Variants in GHR observed in about 807,000 individuals in gnomAD.
The protein encoded by GHR is GH receptor.
In GHR, 35 loss-of-function variants were observed where a neutral mutation model predicts 67.1. That is an observed-to-expected ratio of 0.52 (90% CI 0.40 to 0.69). GHR has a LOEUF of 0.69. Among genes scored for constraint, GHR ranks in the 30% least tolerant of loss-of-function variants. The pLI is 0.00. For synonymous variants in GHR, 272 were observed against 269.1 expected (o/e 1.01, Z -0.10); for missense variants, 792 against 764.6 (o/e 1.04, Z -0.42).
At chr5:42,649,938 C>T (rs547315603) in intron 3 of GHR, among the ~76,000 whole-genome samples, 1 of 152,186 alleles carries the variant, frequency 6.6e-6, no homozygotes, top group East Asian at 1.9e-4. Context: ...GCCAGCCACC[C>T]AGGGAAGAAA....
intron 4 of GHR, among the ~76,000 whole-genome samples, chr5:42,694,173 T>C (rs1034686694): frequency 7.9e-5 from 12 of 152,212 alleles, no homozygotes; most frequent in African/African-American, 2.9e-4. Flanking sequence ...AGAGCACTAC[T>C]AATGAGCACT....
chr5:42,596,985 G>A (rs908710627), intron 2 of GHR, among the ~76,000 whole-genome samples: 3 of 152,210 alleles, frequency 2.0e-5, no homozygotes, highest in Non-Finnish European at 4.4e-5. Context: ...CACAGTGGAG[G>A]ATGTTTAGGA....
chr5:42,527,483 A>G (rs1199817087), intron 1 of GHR, among the ~76,000 whole-genome samples: 1 of 152,216 alleles, frequency 6.6e-6, no homozygotes, highest in South Asian at 2.1e-4. Flanking sequence ...ACATAATGGT[A>G]AACGGTTCAA....
At chr5:42,530,616 T>C (rs1332166159) in intron 1 of GHR, among the ~76,000 whole-genome samples, 1 of 152,130 alleles carries the variant, frequency 6.6e-6, no homozygotes, top group East Asian at 1.9e-4. Flanking sequence ...GTAACAAGCT[T>C]AATTTTTTTT....
chr5:42,428,104 T>C (rs1374896541), intron 1 of GHR, among the ~76,000 whole-genome samples: 1 of 152,236 alleles, frequency 6.6e-6, no homozygotes, highest in Non-Finnish European at 1.5e-5. Context: ...GCAAGGGTTG[T>C]TTATGAGGGC....
At chr5:42,520,757 A>T (rs1469112804) in intron 1 of GHR, among the ~76,000 whole-genome samples, 1 of 152,144 alleles carries the variant, frequency 6.6e-6, no homozygotes, top group Admixed American at 6.5e-5. Flanking sequence ...AATGAGCTCC[A>T]GCCACTTCAA....
chr5:42,513,237 C>G (rs1424976870), intron 1 of GHR, among the ~76,000 whole-genome samples: 1 of 152,198 alleles, frequency 6.6e-6, no homozygotes, highest in East Asian at 1.9e-4. Context: ...TGTGTAGGAG[C>G]AGTTATTTGG....
chr5:42,518,266 A>G (rs969771770), intron 1 of GHR, among the ~76,000 whole-genome samples: 1 of 151,916 alleles, frequency 6.6e-6, no homozygotes, highest in African/African-American at 2.4e-5. Flanking sequence ...AATTACATTA[A>G]TTTCATAACT....
In GHR at chr5:42,497,714, T is replaced by G. The variant is rs562198962; in HGVS notation, c.-11-68150T>G. Among the ~76,000 whole-genome samples, 189 of 152,316 alleles carry G rather than the reference T, an allele frequency of 1.2e-3. 1 individual carries two copies. The highest frequency in any genetic ancestry group is 4.5e-3 in the African/African-American group (187 of 41,566). On this transcript the variant is annotated intron_variant, in intron 1 of 9. Transcript: ENST00000230882. ...CAGAAAAAGTTTGCTGATCTCTACT[T>G]TGAAGAAGAGAAAGTCGTCAGATAC...
At chr5:42,526,753 A>C (rs536083471) in intron 1 of GHR, among the ~76,000 whole-genome samples, 1 of 152,294 alleles carries the variant, frequency 6.6e-6, no homozygotes, top group East Asian at 1.9e-4. Flanking sequence ...GATTCTACAC[A>C]AGAAGATCAT....
chr5:42,586,237 C>G (rs1013371284), intron 2 of GHR, among the ~76,000 whole-genome samples: 1 of 152,106 alleles, frequency 6.6e-6, no homozygotes, highest in African/African-American at 2.4e-5. Flanking sequence ...CAATCTATCC[C>G]TGACTCCTAT....
intron 1 of GHR, among the ~76,000 whole-genome samples, chr5:42,537,191 T>C (rs1748296389): frequency 6.6e-6 from 1 of 152,120 alleles, no homozygotes; most frequent in South Asian, 2.1e-4. Context: ...TGTCCTCTCT[T>C]CTCCTCGGTT....
chr5:42,669,956 A>G (rs1478078535), intron 3 of GHR, among the ~76,000 whole-genome samples: 1 of 152,206 alleles, frequency 6.6e-6, no homozygotes, highest in Non-Finnish European at 1.5e-5. Context: ...TACCCAAAGC[A>G]ATCTATAGAT....
intron 3 of GHR, among the ~76,000 whole-genome samples, chr5:42,662,258 A>G (rs1466330730): frequency 6.6e-6 from 1 of 152,212 alleles, no homozygotes; most frequent in Non-Finnish European, 1.5e-5. Flanking sequence ...AGCGGACTTA[A>G]TAGACATCTA....
intron 1 of GHR, among the ~76,000 whole-genome samples, chr5:42,463,704 A>C (rs1744585526): frequency 6.6e-6 from 1 of 152,140 alleles, no homozygotes; most frequent in Non-Finnish European, 1.5e-5. Flanking sequence ...CTTAGAAATA[A>C]TTTAGTGGGC....
intron 1 of GHR, among the ~76,000 whole-genome samples, chr5:42,542,911 T>C (rs1205143895): frequency 6.6e-6 from 1 of 152,180 alleles, no homozygotes; most frequent in Non-Finnish European, 1.5e-5. Flanking sequence ...CTGAGTTACT[T>C]CTTTTAGAAT....
intron 1 of GHR, among the ~76,000 whole-genome samples, chr5:42,508,227 C>T (rs1746859761): frequency 6.6e-6 from 1 of 152,108 alleles, no homozygotes; most frequent in Admixed American, 6.5e-5. Flanking sequence ...GGTTAAGGAG[C>T]TGAGAGAACT....
intron 1 of GHR, among the ~76,000 whole-genome samples, chr5:42,450,916 T>C (rs1744022396): frequency 6.6e-6 from 1 of 152,248 alleles, no homozygotes; most frequent in Non-Finnish European, 1.5e-5. Flanking sequence ...GATTATTTAA[T>C]GTCCATGTAT....
At position 42,447,724 on chromosome 5, in the gene GHR, T is replaced by C. The variant is rs972601285; in HGVS notation, c.-12+23769T>C. Among the ~76,000 whole-genome samples, 18 of 117,748 alleles carry C rather than the reference T, an allele frequency of 1.5e-4. No individual in the cohort carries two copies. In the Admixed American group the frequency reaches 1.6e-3, roughly 10 times the overall value. The allele number at this position is 117,748 out of a possible 152,430, so 77.2% of individuals were successfully genotyped here. A position where few individuals can be genotyped will look rare whatever the true frequency, so the allele number is the denominator to read the frequency against. On this transcript the variant is annotated intron_variant, in intron 1 of 9. Transcript: ENST00000230882. ...CTATCTCTCCCTCCCTCCCTCCCTC[T>C]CTCTCTCTTTCTTTCTTTCCTTTCT...
Sources: gnomAD v4.1 joint callset for allele counts (sites outside exome capture counted in the v4.1 genomes callset) on GRCh38, gnomAD v4.1.1 for gene constraint, MANE v1.5 for transcripts, NCBI Gene and HGNC (gene_info 2026-07-23, HGNC 2026-07-21) for gene names.